DDX11: variants seen among roughly 807,000 people sequenced by gnomAD.
DDX11 encodes the protein ATP-dependent DNA helicase DDX11.
Under a neutral mutation model 125.2 loss-of-function variants are expected in DDX11, and 72 were observed. That is an observed-to-expected ratio of 0.58 (90% confidence interval 0.48 to 0.70). DDX11 has a LOEUF of 0.70. Among genes scored for constraint, DDX11 ranks in the 30% least tolerant of loss-of-function variants. The probability of loss-of-function intolerance (pLI) is 0.00; values close to 1 mark genes in which losing one functional copy is unlikely to be tolerated. For missense variants in DDX11, 883 were observed against 1,165.0 expected (o/e 0.76, Z 3.52); for synonymous variants, 347 against 452.6 (o/e 0.77, Z 2.96).
intron 1 of DDX11, 92 bp from the exon 2 acceptor site, chr12:31,078,298 G>A: frequency 3.7e-6 from 6 of 1,610,734 alleles, no homozygotes; most frequent in Non-Finnish European, 4.2e-6. Flanking sequence ...GGTAATAAGT[G>A]TGGAGACTGC....
rs560339857 is a variant in DDX11 at position 31,102,463 on chromosome 12, C to A, written c.2308C>A (p.Leu770Met). The A allele has an allele frequency of 2.0e-5, 32 of 1,614,090 alleles. No homozygotes were observed. The African/African-American group carries it at 3.2e-4, about 16-fold the overall frequency. The change falls in exon 23 of 27, where the codon CTG (leucine) becomes ATG (methionine). Residue 770 changes from leucine (L) to methionine (M), a missense_variant. By Grantham distance (15) the Leu-to-Met change is conservative. Coordinates refer to ENST00000542838, the MANE Select transcript of DDX11 (RefSeq NM_030653.4). ...GQERGQVTGALLLSVVGGKMS... is the reference protein window; with the variant it reads ...GQERGQVTGAMLLSVVGGKMS... ...GGAGAGAGGCCAGGTGACAGGGGCC[C>A]TGCTCCTCTCTGTGGTTGGAGGAAA... is the stretch of plus-strand genomic sequence containing the variant.
At chr12:31,077,046 C>T (rs1305070239) in intron 1 of DDX11, 1 of 152,302 alleles carries the variant, frequency 6.6e-6, no homozygotes, top group Admixed American at 6.5e-5. Context: ...AATAGAGTGA[C>T]ACTATCACTA....
chr12:31,080,812 A>G (rs1242612906), intron 2 of DDX11, among the ~76,000 whole-genome samples: 2 of 152,186 alleles, frequency 1.3e-5, no homozygotes, highest in Non-Finnish European at 2.9e-5. Flanking sequence ...TGTTAAGATC[A>G]TGGTTTACTG....
chr12:31,083,313 A>T (rs5015990), intron 2 of DDX11, among the ~76,000 whole-genome samples: 9,322 of 63,022 alleles, frequency 0.15, 701 homozygotes, highest in East Asian at 0.46. Flanking sequence ...TAGTTTGCTT[A>T]AAAAAAAAAA....
chr12:31,093,003 G>A (rs1565893849), intron 11 of DDX11, 111 bp downstream of exon 11: 1 of 1,310,998 alleles, frequency 7.6e-7, no homozygotes, highest in Non-Finnish European at 1.1e-6. Context: ...GCTGTGGCGG[G>A]GTGGAGCTGC....
intron 1 of DDX11, chr12:31,078,072 A>G (rs1463243083): frequency 1.5e-5 from 9 of 615,424 alleles, no homozygotes; most frequent in Non-Finnish European, 2.4e-5. Flanking sequence ...GTCTGTGAGA[A>G]GAGAGCTCTA....
At position 31,089,891 on chromosome 12, in the gene DDX11, A is replaced by G. The variant is rs1943896800; in HGVS notation, c.886A>G (p.Lys296Glu). The G allele has an allele frequency of 2.5e-6, 4 of 1,610,732 alleles. No homozygotes were observed. In the East Asian group the frequency reaches 6.7e-5, roughly 27 times the overall value. ...TGTGCCTGTGCCACCCTCAGAGAAGAAGAAAGGAGCTGAGGAGGAGAAGCC... is the reference window on the plus strand; with the variant it reads ...TGTGCCTGTGCCACCCTCAGAGAAGGAGAAAGGAGCTGAGGAGGAGAAGCC... Reference protein sequence around the residue: ...VDMQRSRHEKKKGAEEEKPKR... With the variant: ...VDMQRSRHEKEKGAEEEKPKR... The change falls in exon 9 of 27, where the codon AAG (lysine) becomes GAG (glutamate). Residue 296 changes from lysine to glutamate, a missense_variant. Transcript: ENST00000542838.
intron 5 of DDX11, chr12:31,087,687 T>C (rs2140636408): frequency 3.3e-6 from 2 of 604,894 alleles, no homozygotes; most frequent in Non-Finnish European, 6.0e-6. Context: ...GGCTTCCGAC[T>C]CAAGACTTGG....
Position 31,096,805 on chromosome 12 carries a change from C to T in DDX11, c.1631-54C>T, listed in dbSNP as rs1162704940. 22 of 1,614,218 alleles carry T rather than the reference C, an allele frequency of 1.4e-5. No homozygotes were observed. In the South Asian group the frequency reaches 2.4e-4, roughly 18 times the overall value. On this transcript the variant is annotated intron_variant, in intron 16 of 26. Transcript: ENST00000542838. ...CACGCATGGGCAAGGACTTCTGTTCCTCATGTGTGGACCTGACCAGAGGGA... is the reference window on the plus strand; with the variant it reads ...CACGCATGGGCAAGGACTTCTGTTCTTCATGTGTGGACCTGACCAGAGGGA...
intron 8 of DDX11, 172 bp downstream of exon 8, chr12:31,089,662 GT>G: frequency 9.1e-7 from 1 of 1,095,438 alleles, no homozygotes; most frequent in Non-Finnish European, 1.4e-6. Context: ...CTGGGTCAGT[GT>G]CTGGTCCGAA....
chr12:31,095,751 G>A (rs1318663385), intron 14 of DDX11, among the ~76,000 whole-genome samples: 1 of 152,222 alleles, frequency 6.6e-6, no homozygotes, highest in African/African-American at 2.4e-5. Flanking sequence ...TCCTTCTCTC[G>A]CCTTCCCTTT....
In DDX11 at chr12:31,096,775, G is replaced by A. The variant is rs370140116; in HGVS notation, c.1630+30G>A. On this transcript the variant is annotated intron_variant, in intron 16 of 26. Transcript: ENST00000542838. Reference sequence around the variant, plus strand: ...GGCAGGAGGGTGGGCAGGCAGAGCCGGCTGCACGCATGGGCAAGGACTTCT... The same window carrying A: ...GGCAGGAGGGTGGGCAGGCAGAGCCAGCTGCACGCATGGGCAAGGACTTCT... 1.8e-4 allele frequency: 294 copies of A among 1,614,156 alleles called. No homozygotes were observed. In the African/African-American group the frequency reaches 3.2e-3, roughly 18 times the overall value.
intron 17 of DDX11, 67 bp from the exon 18 acceptor site, chr12:31,097,818 C>T: frequency 1.1e-6 from 1 of 920,928 alleles, no homozygotes; most frequent in Non-Finnish European, 1.7e-6. Flanking sequence ...CTGGGGGACC[C>T]CCTTTGCTGG....
rs548408664 is a variant in DDX11 at position 31,094,873 on chromosome 12, C to T, written c.1482+51C>T. 4 of 1,589,794 alleles carry T rather than the reference C, an allele frequency of 2.5e-6. No individual in the cohort carries two copies. In the African/African-American group the frequency reaches 4.0e-5, roughly 16 times the overall value. ...CCACATCCAATTTCCTTCCTGTCAC[C>T]ACCTGTGGGTAAAGTACTATGTTAA... On this transcript the variant is annotated intron_variant, in intron 14 of 26. Transcript: ENST00000542838.
At position 31,102,934 on chromosome 12, in the gene DDX11, A is replaced by G. The variant is rs1946656233; in HGVS notation, c.2373-2A>G. On this transcript the variant is annotated splice_acceptor_variant, in intron 23 of 26. Transcript: ENST00000542838. LOFTEE classifies it high-confidence loss of function. The stretch of plus-strand genomic sequence containing the variant: ...TGCTGGGCTCTTGTCTCCCCCGCCC[A>G]GGTGTGTGGTGATGGTGGGCATGCC... The G allele has an allele frequency of 6.2e-7, 1 of 1,613,930 alleles. No individual in the cohort carries two copies.
Position 31,084,598 on chromosome 12 carries a change from A to G in DDX11, c.409A>G (p.Arg137Gly), listed in dbSNP as rs537666944. Residue 137 changes from arginine to glycine, a missense_variant, in exon 4 of 27, where the codon AGG (arginine) becomes GGG (glycine). Arg to Gly is a moderately radical substitution (Grantham distance 125). Transcript: ENST00000542838. ...CCTCCTGTAGGCGGAGCAGGCCAGG[A>G]GGAAGCAGCGAGAAGAACGCCTGCA... ...VDRLKAEQAR[R>G]KQREERLQQL... The G allele has an allele frequency of 9.4e-5, 150 of 1,598,642 alleles. 2 individuals are homozygous for G. In the South Asian group the frequency reaches 1.6e-3, roughly 17 times the overall value.
intron 14 of DDX11, 142 bp downstream of exon 14, chr12:31,094,964 T>C (rs550808318): frequency 1.1e-6 from 1 of 918,486 alleles, no homozygotes; most frequent in East Asian, 2.6e-5. Flanking sequence ...AACATGCCTG[T>C]GAGACAAAAG....
rs138190731 is a variant in DDX11, at chr12:31,091,850, C to T, written c.1221C>T (p.Ser407=). 128 of 1,611,690 alleles carry T rather than the reference C, an allele frequency of 7.9e-5. No homozygotes were observed. The Middle Eastern group carries it at 9.9e-4, about 12-fold the overall frequency. The change falls in exon 10 of 27, where the codon AGC becomes AGT. Residue 407 remains serine (S), a synonymous_variant. Transcript: ENST00000542838. The stretch of plus-strand genomic sequence containing the variant: ...TCGACACCATCACGGGCATGCACAG[C>T]GTGGAGGTCAGCGGCTCCCAGGTGT... ...NLIDTITGMH[S]VEVSGSQLCQ...
At chr12:31,080,614 C>T (rs1172241754) in intron 2 of DDX11, among the ~76,000 whole-genome samples, 1 of 151,746 alleles carries the variant, frequency 6.6e-6, no homozygotes, top group Non-Finnish European at 1.5e-5. Context: ...AAATCACTTC[C>T]ATGTCTCTGC....
Sources: allele counts gnomAD v4.1 joint callset (sites outside exome capture counted in the v4.1 genomes callset), GRCh38; gene constraint gnomAD v4.1.1; transcripts MANE v1.5; gene names NCBI Gene and HGNC (gene_info 2026-07-23, HGNC 2026-07-21).